The following PRKG1 variants were observed in gnomAD, a reference collection of about 807,000 sequenced individuals.
PRKG1 encodes the protein cGMP-dependent protein kinase 1.
Under a neutral mutation model 88.1 loss-of-function variants are expected in PRKG1, and 35 were observed. The observed-to-expected ratio is 0.40, with a 90% CI of 0.30 to 0.53. The LOEUF is 0.53. Ranked by LOEUF, PRKG1 falls within the 20% of genes least tolerant of loss-of-function variation. The pLI, the probability that PRKG1 is intolerant of heterozygous loss-of-function variation, is 0.59. For synonymous variants in PRKG1, 303 were observed against 292.5 expected, an observed-to-expected ratio of 1.04 and a Z score of -0.37; for missense variants, 540 against 839.8, an observed-to-expected ratio of 0.64 and a Z score of 4.41.
At chr10:52,274,863 A>ATTTTTTGG (rs1260914214) in intron 12 of PRKG1, among the ~76,000 whole-genome samples, 2 of 151,882 alleles carry the variant, frequency 1.3e-5, no homozygotes, top group African/African-American at 4.8e-5. Context: ...TGATTTTTTG[A>ATTTTTTGG]TTATGGCCAT....
At chr10:51,137,015 GCTGGGACTACAGGCGCCCGCCACCAT>G (rs1845702813) in intron 1 of PRKG1, among the ~76,000 whole-genome samples, 1 of 151,974 alleles carries the variant, frequency 6.6e-6, no homozygotes, top group East Asian at 1.9e-4. Context: ...CTACCCAGTA[GCTGGGACTACAGGCGCCCGCCACCAT>G]GCCTGGCTAA....
chr10:51,699,075 G>C, intron 3 of PRKG1: 1 of 1,614,128 alleles, frequency 6.2e-7, no homozygotes, highest in Non-Finnish European at 8.5e-7. Flanking sequence ...AACATGTTTC[G>C]AGCTTCCTGG....
chr10:51,243,747 A>G (rs1204345364), intron 2 of PRKG1, among the ~76,000 whole-genome samples: 1 of 152,190 alleles, frequency 6.6e-6, no homozygotes, highest in Non-Finnish European at 1.5e-5. Context: ...TGATGCCAAG[A>G]CTTAAATGCA....
intron 1 of PRKG1, among the ~76,000 whole-genome samples, chr10:51,026,116 A>G (rs1187943029): frequency 6.6e-6 from 1 of 152,158 alleles, no homozygotes; most frequent in African/African-American, 2.4e-5. Flanking sequence ...GCAAACCACC[A>G]GAAGCTAGGA....
intron 3 of PRKG1, among the ~76,000 whole-genome samples, chr10:51,741,311 G>A (rs931973506): frequency 3.3e-5 from 5 of 152,016 alleles, no homozygotes; most frequent in African/African-American, 1.2e-4. Context: ...AAGTCTAGGA[G>A]TGCTACAGTT....
chr10:51,377,095 AAC>A (rs895957995), intron 2 of PRKG1, among the ~76,000 whole-genome samples: 7 of 152,188 alleles, frequency 4.6e-5, no homozygotes, highest in African/African-American at 1.7e-4. Flanking sequence ...TAAAAAAAAA[AAC>A]ACAGTATTTA....
At chr10:51,970,037 CA>C (rs1843669013) in intron 5 of PRKG1, among the ~76,000 whole-genome samples, 6 of 90,042 alleles carry the variant, frequency 6.7e-5, no homozygotes, top group African/African-American at 2.1e-4. Context: ...CACACACACA[CA>C]CACACACACA....
At chr10:51,309,038 C>T (rs1841112473) in intron 2 of PRKG1, among the ~76,000 whole-genome samples, 1 of 152,094 alleles carries the variant, frequency 6.6e-6, no homozygotes, top group South Asian at 2.1e-4. Context: ...GACAGCCAAG[C>T]AGGAAGGGGT....
intron 5 of PRKG1, among the ~76,000 whole-genome samples, chr10:51,957,258 A>T (rs71500377): frequency 1 from 140,661 of 140,906 alleles, 70,208 homozygotes; most frequent in South Asian, 1. Flanking sequence ...TCTTTCATAC[A>T]TAGCTTTTCC....
chr10:51,124,539 T>G (rs1372024983), intron 1 of PRKG1, among the ~76,000 whole-genome samples: 1 of 152,174 alleles, frequency 6.6e-6, no homozygotes, highest in Non-Finnish European at 1.5e-5. Context: ...CACATGATTT[T>G]GATCCCTAAA....
At chr10:51,584,313 C>T (rs982514501) in intron 3 of PRKG1, among the ~76,000 whole-genome samples, 1 of 151,970 alleles carries the variant, frequency 6.6e-6, no homozygotes, top group Admixed American at 6.6e-5. Context: ...TGCCAGGGCC[C>T]TGTAGGGACT....
chr10:51,196,079 A>T (rs1391310440), intron 2 of PRKG1, among the ~76,000 whole-genome samples: 1 of 152,170 alleles, frequency 6.6e-6, no homozygotes, highest in Admixed American at 6.5e-5. Context: ...TCCTTGCTAT[A>T]ATTATGGTCA....
intron 3 of PRKG1, among the ~76,000 whole-genome samples, chr10:51,510,454 A>C (rs1345586424): frequency 6.6e-6 from 1 of 152,130 alleles, no homozygotes; most frequent in African/African-American, 2.4e-5. Flanking sequence ...TTGCTTTCTC[A>C]GCACATAATG....
chr10:51,701,672 T>C (rs888755059), intron 3 of PRKG1, among the ~76,000 whole-genome samples: 1 of 152,222 alleles, frequency 6.6e-6, no homozygotes, highest in African/African-American at 2.4e-5. Flanking sequence ...CATACCTTTT[T>C]TATACACATT....
intron 2 of PRKG1, among the ~76,000 whole-genome samples, chr10:51,277,012 T>C (rs1840141741): frequency 1.3e-5 from 2 of 152,214 alleles, no homozygotes; most frequent in African/African-American, 2.4e-5. Context: ...TTGCTTTTGG[T>C]GTTTTAGACA....
At chr10:51,851,958 T>C (rs935864090) in intron 4 of PRKG1, among the ~76,000 whole-genome samples, 1 of 152,052 alleles carries the variant, frequency 6.6e-6, no homozygotes, top group Non-Finnish European at 1.5e-5. Flanking sequence ...CTCGCCATGG[T>C]CAAGGGATGG....
At chr10:51,525,311 T>C (rs1841851631) in intron 3 of PRKG1, among the ~76,000 whole-genome samples, 1 of 152,154 alleles carries the variant, frequency 6.6e-6, no homozygotes, top group African/African-American at 2.4e-5. Context: ...ACATCTAGAA[T>C]TTTAGAGAAC....
chr10:51,594,697 A>C (rs959945658), intron 3 of PRKG1, among the ~76,000 whole-genome samples: 1 of 152,198 alleles, frequency 6.6e-6, no homozygotes, highest in African/African-American at 2.4e-5. Flanking sequence ...CCAGTTTTGC[A>C]GATTATCACT....
chr10:52,187,944 T>C (rs1161963887), intron 9 of PRKG1, among the ~76,000 whole-genome samples: 2 of 152,070 alleles, frequency 1.3e-5, no homozygotes, highest in East Asian at 3.9e-4. Context: ...TGATAGGATG[T>C]AGAATTGTTA....
Sources: gnomAD v4.1 joint callset for allele counts (sites outside exome capture counted in the v4.1 genomes callset) on GRCh38, gnomAD v4.1.1 for gene constraint, MANE v1.5 for transcripts, NCBI Gene and HGNC (gene_info 2026-07-23, HGNC 2026-07-21) for gene names.